ZBTB34: variants seen among roughly 807,000 people sequenced by gnomAD.
ZBTB34 encodes zinc finger and BTB domain-containing protein 34.
A neutral mutation model predicts 33.4 loss-of-function variants in ZBTB34; 1 was observed. The observed-to-expected ratio is 0.03, with a 90% CI of 0.01 to 0.14. The LOEUF is 0.14. Among genes scored for constraint, ZBTB34 ranks in the 10% least tolerant of loss-of-function variants. The pLI is 1.00. For synonymous variants in ZBTB34, 283 were observed against 253.5 expected (o/e 1.12, Z -1.11); for missense variants, 406 against 657.2 (o/e 0.62, Z 4.18).
chr9:126,884,239 C>G (rs1429128713), exon 2 of ZBTB34: 1 of 167,028 alleles, frequency 6.0e-6, no homozygotes, highest in East Asian at 1.9e-4. Context: ...CCTGTTATTA[C>G]AAACTGTGAA....
chr9:126,866,970 ATATATGCATACATATT>A (rs543126534), intron 1 of ZBTB34, among the ~76,000 whole-genome samples: 252 of 152,332 alleles, frequency 1.7e-3, no homozygotes, highest in Non-Finnish European at 2.1e-4. Context: ...AGGGAATGAC[ATATATGCATACATATT>A]AGTCTACATC....
At chr9:126,866,435 ACTGCATG>A (rs2033202647) in intron 1 of ZBTB34, among the ~76,000 whole-genome samples, 2 of 152,086 alleles carry the variant, frequency 1.3e-5, no homozygotes, top group Admixed American at 1.3e-4. Flanking sequence ...AGCTGGGGCC[ACTGCATG>A]CTGCCTGCTC....
intron 1 of ZBTB34, among the ~76,000 whole-genome samples, chr9:126,867,030 C>T (rs1018850658): frequency 2.6e-5 from 4 of 151,808 alleles, no homozygotes; most frequent in Non-Finnish European, 5.9e-5. Context: ...GCACTCCTTC[C>T]ATATCAAAGC....
intron 1 of ZBTB34, among the ~76,000 whole-genome samples, chr9:126,871,508 G>C (rs552903476): frequency 6.6e-6 from 1 of 151,610 alleles, no homozygotes; most frequent in African/African-American, 2.4e-5. Context: ...AATTACAGGC[G>C]CGTGCCACCA....
exon 2 of ZBTB34, chr9:126,885,347 TCAGTGA>T (rs1811386230): frequency 6.0e-6 from 1 of 167,122 alleles, no homozygotes; most frequent in African/African-American, 2.4e-5. Context: ...TTGCTGCCCC[TCAGTGA>T]CAAGTATGCT....
At chr9:126,870,664 C>T (rs562453842) in intron 1 of ZBTB34, among the ~76,000 whole-genome samples, 16 of 152,324 alleles carry the variant, frequency 1.1e-4, no homozygotes, top group Admixed American at 7.8e-4. Context: ...CAGTGGCTCA[C>T]GCCTGTAATC....
intron 1 of ZBTB34, among the ~76,000 whole-genome samples, chr9:126,863,373 T>C (rs1207499101): frequency 1.3e-5 from 2 of 152,186 alleles, no homozygotes; most frequent in African/African-American, 4.8e-5. Context: ...TTTATCAAGG[T>C]GGAGAAATGA....
exon 2 of ZBTB34, chr9:126,882,734 T>A (rs1005798727): frequency 2.4e-5 from 4 of 167,106 alleles, no homozygotes; most frequent in African/African-American, 9.6e-5. Flanking sequence ...CAGAATTAGA[T>A]GTTTGCTGGT....
intron 1 of ZBTB34, among the ~76,000 whole-genome samples, chr9:126,874,689 C>G (rs896792798): frequency 6.6e-6 from 1 of 152,272 alleles, no homozygotes; most frequent in African/African-American, 2.4e-5. Flanking sequence ...CCCCTTGCGC[C>G]TTGTTCCAGC....
intron 1 of ZBTB34, among the ~76,000 whole-genome samples, chr9:126,864,668 T>C (rs1267592289): frequency 6.6e-6 from 1 of 152,098 alleles, no homozygotes; most frequent in Non-Finnish European, 1.5e-5. Context: ...TTTTCTTGCA[T>C]TGGGTTTCAG....
chr9:126,869,249 A>T (rs1195598676), intron 1 of ZBTB34, among the ~76,000 whole-genome samples: 1 of 130,040 alleles, frequency 7.7e-6, no homozygotes, highest in South Asian at 2.7e-4. Flanking sequence ...GCAGGAATGT[A>T]ACACAGGTCC....
exon 2 of ZBTB34, chr9:126,885,306 CTCCTT>C (rs1469544200): frequency 6.0e-6 from 1 of 167,168 alleles, no homozygotes; most frequent in African/African-American, 2.4e-5. Context: ...TTGCCTGGCT[CTCCTT>C]GTAGCAGATT....
chr9:126,884,517 C>T lies in ZBTB34; in HGVS notation c.*3603C>T, dbSNP rs552399980. ...TTTTAAACAGCAGAAAGGATACTGT[C>T]GGTTCACTGTTGAGCAGAATATACT... On this transcript the variant is annotated 3_prime_UTR_variant, in exon 2 of 2. Coordinates refer to ENST00000319119, the Ensembl canonical transcript of ZBTB34. 2.4e-5 allele frequency: 4 copies of T among 166,538 alleles called. No individual in the cohort carries two copies. The East Asian group carries it at 7.7e-4, about 32-fold the overall frequency. 10.3% of individuals were successfully genotyped at this position (166,538 alleles called of 1,614,324 possible). A position where few individuals can be genotyped will look rare whatever the true frequency, so the allele number is the denominator to read the frequency against.
At chr9:126,883,475 T>C (rs921471557) in exon 2 of ZBTB34, 2 of 167,134 alleles carry the variant, frequency 1.2e-5, no homozygotes, top group African/African-American at 2.4e-5. Context: ...TGAATCTGTT[T>C]AACTGGTTTG....
At position 126,880,097 on chromosome 9, in the gene ZBTB34, G is replaced by A; in HGVS notation, c.698G>A (p.Ser233Asn). The change falls in exon 2 of 2, where the codon AGC (serine) becomes AAC (asparagine). Residue 233 changes from serine to asparagine, a missense_variant. This residue lies in a region of ZBTB34 where 137 missense variants were observed against 173.0 expected (regional missense o/e 0.79). Transcript: ENST00000319119. The surrounding 1 kb of genome is among the most constrained non-coding windows in gnomAD (Gnocchi z 6.7). ...CAAGGAGACCTATTGGTGAGGGAGA[G>A]CCAGATCACCGAGGTGAAAGTGAAG... 1 of 1,613,722 alleles carries A rather than the reference G, an allele frequency of 6.2e-7. No individual in the cohort carries two copies. Among genetic ancestry groups the A allele is most frequent in the African/African-American group, 1.3e-5 (1 of 75,024 alleles).
At chr9:126,871,212 T>TGTGG (rs2033274644) in intron 1 of ZBTB34, among the ~76,000 whole-genome samples, 2 of 151,248 alleles carry the variant, frequency 1.3e-5, no homozygotes, top group Admixed American at 6.6e-5. Flanking sequence ...TGTGTGTGTG[T>TGTGG]GTGGAGTGGG....
At chr9:126,870,131 G>A (rs896375714) in intron 1 of ZBTB34, among the ~76,000 whole-genome samples, 1 of 152,094 alleles carries the variant, frequency 6.6e-6, no homozygotes, top group African/African-American at 2.4e-5. Context: ...TTAATCTCCT[G>A]AATTAAAGAG....
intron 1 of ZBTB34, among the ~76,000 whole-genome samples, chr9:126,872,908 G>A (rs1000096914): frequency 6.6e-6 from 1 of 152,138 alleles, no homozygotes; most frequent in East Asian, 1.9e-4. Context: ...ATGGCGTTCC[G>A]TTTTTCTCAG....
At chr9:126,873,893 A>G (rs1386746187) in intron 1 of ZBTB34, among the ~76,000 whole-genome samples, 2 of 152,144 alleles carry the variant, frequency 1.3e-5, no homozygotes, top group Non-Finnish European at 2.9e-5. Context: ...GGTGTGAGCC[A>G]CTGTGCCTGG....
Sources: gnomAD v4.1 joint callset for allele counts (sites outside exome capture counted in the v4.1 genomes callset) on GRCh38, gnomAD v4.1.1 for gene constraint, gnomAD v4.1.1 regional missense constraint, Gnocchi (gnomAD v3.1) non-coding constraint, MANE v1.5 for transcripts, NCBI Gene and HGNC (gene_info 2026-07-23, HGNC 2026-07-21) for gene names.